PTPRD: variants seen among roughly 807,000 people sequenced by gnomAD.
PTPRD encodes the protein protein tyrosine phosphatase receptor type D.
A neutral mutation model predicts 214.5 loss-of-function variants in PTPRD; 34 were observed. The observed-to-expected ratio is 0.16, with a 90% CI of 0.12 to 0.21. The LOEUF (loss-of-function observed/expected upper bound fraction) is 0.21, where lower values mean the gene tolerates loss of function less well. PTPRD is among the 10% of genes least tolerant of loss of function. The pLI, the probability that PTPRD is intolerant of heterozygous loss-of-function variation, is 1.00. For missense variants in PTPRD, 2,545 were observed against 2,398.7 expected (o/e 1.06, Z -1.27); for synonymous variants, 1,128 against 845.7 (o/e 1.33, Z -5.79).
In PTPRD at chr9:9,723,492, A is replaced by C. The variant is rs116022834; in HGVS notation, c.-287+11041T>G. ...GTCCTCCTACTTTGTTCTTTTTTAA[A>C]GATTTGGCTATTCTGGGTCCTTGAC... On this transcript the variant is annotated intron_variant, in intron 7 of 45. Transcript: ENST00000381196. Among the ~76,000 whole-genome samples the C allele has an allele frequency of 7.4e-3, 1,128 of 152,132 alleles. 15 individuals carry two copies. Among genetic ancestry groups the C allele is most frequent in the African/African-American group, 0.025 (1,059 of 41,542 alleles).
chr9:10,368,072 C>T (rs1480524722), intron 2 of PTPRD, among the ~76,000 whole-genome samples: 3 of 151,912 alleles, frequency 2.0e-5, no homozygotes, highest in African/African-American at 7.3e-5. Flanking sequence ...TGTTTTCAAC[C>T]ATAGACAAGC....
At chr9:10,488,181 C>A (rs1269952436) in intron 2 of PTPRD, among the ~76,000 whole-genome samples, 2 of 151,914 alleles carry the variant, frequency 1.3e-5, no homozygotes, top group African/African-American at 4.8e-5. Context: ...TCCTGGCTAA[C>A]ACGATGAAAC....
intron 33 of PTPRD, among the ~76,000 whole-genome samples, chr9:8,455,942 G>A (rs1323590): frequency 0.3 from 46,255 of 151,910 alleles, 9,587 homozygotes; most frequent in African/African-American, 0.59. Flanking sequence ...CCATACACCT[G>A]GGTACATATG....
At chr9:8,524,583 C>A (rs554769651) in intron 18 of PTPRD, among the ~76,000 whole-genome samples, 2 of 151,418 alleles carry the variant, frequency 1.3e-5, no homozygotes, top group African/African-American at 4.9e-5. Context: ...AATAAGGAAA[C>A]AGAAGAGAAA....
At chr9:9,556,247 T>C (rs557288111) in intron 8 of PTPRD, among the ~76,000 whole-genome samples, 96 of 152,194 alleles carry the variant, frequency 6.3e-4, no homozygotes, top group African/African-American at 2.3e-3. Flanking sequence ...TAAGTGAAAG[T>C]GGATCATCAT....
At chr9:8,819,883 G>T (rs1191177681) in intron 11 of PTPRD, among the ~76,000 whole-genome samples, 3 of 152,076 alleles carry the variant, frequency 2.0e-5, no homozygotes, top group Non-Finnish European at 4.4e-5. Flanking sequence ...GCTCTCCTGT[G>T]TCTTGTTCTC....
chr9:9,817,900 A>G lies in PTPRD; in HGVS notation c.-367-51049T>C, dbSNP rs142353869. Among the ~76,000 whole-genome samples the G allele has an allele frequency of 3.0e-3, 462 of 152,320 alleles. 4 individuals carry two copies. Among genetic ancestry groups the G allele is most frequent in the African/African-American group, 0.01 (436 of 41,578 alleles). ...CATTGTGGAGCTAGTTAGCAAGATC[A>G]ATGTACAGGATACTCCACCATTTTA... On this transcript the variant is annotated intron_variant, in intron 5 of 45. Transcript: ENST00000381196.
chr9:8,571,554 T>G (rs1186225129), intron 14 of PTPRD, among the ~76,000 whole-genome samples: 1 of 152,180 alleles, frequency 6.6e-6, no homozygotes, highest in Non-Finnish European at 1.5e-5. Flanking sequence ...AAATCAATGG[T>G]TTTCTTCACA....
At chr9:9,793,884 G>C (rs576322639) in intron 5 of PTPRD, among the ~76,000 whole-genome samples, 1 of 152,030 alleles carries the variant, frequency 6.6e-6, no homozygotes, top group Admixed American at 6.6e-5. Context: ...ACTTTTAGTT[G>C]TATGGTACTG....
intron 14 of PTPRD, among the ~76,000 whole-genome samples, chr9:8,536,438 C>A (rs866592977): frequency 1.3e-5 from 2 of 151,402 alleles, no homozygotes; most frequent in Admixed American, 6.6e-5. Flanking sequence ...CACATATATA[C>A]GTATATAAAT....
At chr9:10,435,022 C>T (rs1338302986) in intron 2 of PTPRD, among the ~76,000 whole-genome samples, 5 of 151,872 alleles carry the variant, frequency 3.3e-5, no homozygotes, top group Non-Finnish European at 7.4e-5. Context: ...ATACGAAACA[C>T]TAAACTGCGA....
chr9:9,568,405 A>G (rs1208668469), intron 8 of PTPRD, among the ~76,000 whole-genome samples: 2 of 151,884 alleles, frequency 1.3e-5, no homozygotes, highest in African/African-American at 4.8e-5. Context: ...CTCATCTTTA[A>G]TACATTTCAG....
intron 10 of PTPRD, among the ~76,000 whole-genome samples, chr9:9,154,586 A>T (rs2099879625): frequency 1.3e-5 from 2 of 152,194 alleles, no homozygotes; most frequent in South Asian, 4.1e-4. Context: ...ACTTATCCCC[A>T]AATTATTACA....
intron 39 of PTPRD, among the ~76,000 whole-genome samples, chr9:8,349,701 T>C (rs2074888863): frequency 6.6e-6 from 1 of 152,190 alleles, no homozygotes; most frequent in Non-Finnish European, 1.5e-5. Context: ...TGCTTCAGGC[T>C]GAGGCCAGCA....
chr9:9,870,594 CTTA>C (rs879508458), intron 5 of PTPRD, among the ~76,000 whole-genome samples: 44 of 151,888 alleles, frequency 2.9e-4, no homozygotes, highest in African/African-American at 1.0e-3. Flanking sequence ...ATAAGAATTA[CTTA>C]TTATTTATAT....
chr9:10,504,786 A>G (rs2045335396), intron 2 of PTPRD, among the ~76,000 whole-genome samples: 1 of 152,206 alleles, frequency 6.6e-6, no homozygotes, highest in South Asian at 2.1e-4. Flanking sequence ...TTCCTAATTC[A>G]TGTCCTTTTT....
chr9:9,289,871 G>T (rs781445022), intron 9 of PTPRD, among the ~76,000 whole-genome samples: 1 of 151,622 alleles, frequency 6.6e-6, no homozygotes. Context: ...CAGACACTTA[G>T]GTTGCTTCCA....
chr9:9,797,805 G>A (rs535523435), intron 5 of PTPRD, among the ~76,000 whole-genome samples: 7 of 152,050 alleles, frequency 4.6e-5, no homozygotes, highest in African/African-American at 7.2e-5. Context: ...CTGAGATCGC[G>A]CCATCGCACA....
chr9:8,911,710 G>T (rs966274341), intron 11 of PTPRD, among the ~76,000 whole-genome samples: 1 of 151,614 alleles, frequency 6.6e-6, no homozygotes, highest in Non-Finnish European at 1.5e-5. Flanking sequence ...CTGTTTAAAG[G>T]GTGGCATTAA....
Sources: allele counts gnomAD v4.1 joint callset (sites outside exome capture counted in the v4.1 genomes callset), GRCh38; gene constraint gnomAD v4.1.1; transcripts MANE v1.5; gene names NCBI Gene and HGNC (gene_info 2026-07-23, HGNC 2026-07-21).